The following ROR1 variants were observed in gnomAD, a reference collection of about 807,000 sequenced individuals.
The protein encoded by ROR1 is ROR family WNT receptor 1, also known as inactive tyrosine-protein kinase transmembrane receptor ROR1.
In ROR1, 19 loss-of-function variants were observed where a neutral mutation model predicts 78.8. The observed-to-expected ratio is 0.24, with a 90% confidence interval of 0.17 to 0.35. ROR1 has a LOEUF of 0.35. Among genes scored for constraint, ROR1 ranks in the 10% least tolerant of loss-of-function variants. ROR1 has a pLI of 1.00. For synonymous variants in ROR1, 386 were observed against 433.6 expected (o/e 0.89, Z 1.36); for missense variants, 917 against 1,177.8 (o/e 0.78, Z 3.24).
chr1:63,939,228 G>A (rs1330443987), intron 1 of ROR1, among the ~76,000 whole-genome samples: 1 of 152,036 alleles, frequency 6.6e-6, no homozygotes, highest in Non-Finnish European at 1.5e-5. Context: ...CTGCACATTA[G>A]AATTGTGTAG....
At chr1:64,084,124 C>A (rs1647130243) in intron 4 of ROR1, among the ~76,000 whole-genome samples, 1 of 152,166 alleles carries the variant, frequency 6.6e-6, no homozygotes, top group South Asian at 2.1e-4. Flanking sequence ...TATCAACAAT[C>A]ATAGAAAAGG....
chr1:64,038,080 GT>G (rs1158577862), intron 2 of ROR1, among the ~76,000 whole-genome samples: 1 of 152,108 alleles, frequency 6.6e-6, no homozygotes, highest in Non-Finnish European at 1.5e-5. Flanking sequence ...TTGTATCACT[GT>G]TTTGCGAGGC....
chr1:63,904,716 G>C (rs914004011), intron 1 of ROR1, among the ~76,000 whole-genome samples: 1 of 152,120 alleles, frequency 6.6e-6, no homozygotes, highest in African/African-American at 2.4e-5. Flanking sequence ...CTTATAAGAC[G>C]AGGAGATTAG....
intron 5 of ROR1, among the ~76,000 whole-genome samples, 171 bp from the exon 6 acceptor site, chr1:64,139,938 A>G (rs1649245459): frequency 6.6e-6 from 1 of 152,034 alleles, no homozygotes; most frequent in Non-Finnish European, 1.5e-5. Context: ...TTTTCAAGCC[A>G]GTGAAAGTAA....
intron 1 of ROR1, among the ~76,000 whole-genome samples, chr1:63,883,590 A>G (rs986709205): frequency 1.3e-5 from 2 of 152,182 alleles, no homozygotes; most frequent in African/African-American, 4.8e-5. Flanking sequence ...CTGTGTTATG[A>G]CTGGGTGAAA....
rs540448964 is a variant in ROR1 at position 64,177,404 on chromosome 1, A to G, written c.1387-24A>G. 2.8e-5 allele frequency: 44 copies of G among 1,566,186 alleles called. No individual in the cohort carries two copies. The African/African-American group carries it at 5.7e-4, about 20-fold the overall frequency. On this transcript the variant is annotated intron_variant, in intron 8 of 8. Coordinates refer to ENST00000371079, the MANE Select transcript of ROR1 (RefSeq NM_005012.4). ...CTTGCCTGAAGATATGTTTTAAACC[A>G]CGTTTTTCCTCTCTTTCATACAGAG...
chr1:63,919,110 C>G (rs1283506326), intron 1 of ROR1, among the ~76,000 whole-genome samples: 1 of 152,036 alleles, frequency 6.6e-6, no homozygotes, highest in Non-Finnish European at 1.5e-5. Flanking sequence ...AATGATGGTT[C>G]AATGCACAGG....
chr1:64,023,184 G>A (rs1260836), intron 2 of ROR1, among the ~76,000 whole-genome samples: 35,866 of 152,076 alleles, frequency 0.24, 4,346 homozygotes, highest in South Asian at 0.36. Context: ...TGCCCTTGCA[G>A]TGGTGCTGAG....
chr1:63,783,983 TC>T (rs1241371655), intron 1 of ROR1, among the ~76,000 whole-genome samples: 1 of 151,768 alleles, frequency 6.6e-6, no homozygotes, highest in Non-Finnish European at 1.5e-5. Context: ...AACCTGCATA[TC>T]CTAAGGCCTG....
chr1:63,964,498 T>C (rs1359908266), intron 1 of ROR1, among the ~76,000 whole-genome samples: 2 of 152,366 alleles, frequency 1.3e-5, no homozygotes, highest in African/African-American at 4.8e-5. Flanking sequence ...CAAATCTTAT[T>C]GTATGTCTAG....
At chr1:63,866,104 C>T (rs1003108809) in intron 1 of ROR1, among the ~76,000 whole-genome samples, 8 of 152,030 alleles carry the variant, frequency 5.3e-5, no homozygotes, top group African/African-American at 1.9e-4. Context: ...CAAGAACTGC[C>T]ACATGTCACC....
chr1:64,123,542 A>G lies in ROR1; in HGVS notation c.483-13827A>G, dbSNP rs116011428. 3.4e-4 allele frequency among the ~76,000 whole-genome samples: 52 copies of G among 152,348 alleles called. No homozygotes were observed. The Middle Eastern group carries it at 0.01, about 30-fold the overall frequency. ...TAAAACCTCAGTGTTTTCATCTAAT[A>G]AAGAATACTAATATAAACATAGAAT... is the stretch of plus-strand genomic sequence containing the variant. On this transcript the variant is annotated intron_variant, in intron 4 of 8. Coordinates refer to ENST00000371079, the MANE Select transcript of ROR1 (RefSeq NM_005012.4).
intron 1 of ROR1, among the ~76,000 whole-genome samples, chr1:63,887,634 A>G (rs1204862221): frequency 6.6e-6 from 1 of 152,162 alleles, no homozygotes; most frequent in Non-Finnish European, 1.5e-5. Context: ...ACACAGGGTA[A>G]TTTTAAAAAG....
intron 1 of ROR1, among the ~76,000 whole-genome samples, chr1:63,942,108 T>G (rs982773712): frequency 6.6e-6 from 1 of 152,214 alleles, no homozygotes; most frequent in Non-Finnish European, 1.5e-5. Context: ...TGGCACGGTC[T>G]GGTGCAGACC....
Position 64,062,789 on chromosome 1 carries a change from A to G in ROR1, c.482+12073A>G, listed in dbSNP as rs530506929. Among the ~76,000 whole-genome samples the G allele has an allele frequency of 2.6e-5, 4 of 152,318 alleles. No homozygotes were observed. The East Asian group carries it at 5.8e-4, about 22-fold the overall frequency. On this transcript the variant is annotated intron_variant, in intron 4 of 8. Transcript: ENST00000371079. The stretch of plus-strand genomic sequence containing the variant: ...AGGGAAACAACTGAACCTCACAACA[A>G]ACATAGCTAATGAAATGTTATGAAT...
chr1:63,886,088 A>T (rs1357763104), intron 1 of ROR1, among the ~76,000 whole-genome samples: 2 of 152,130 alleles, frequency 1.3e-5, no homozygotes, highest in Admixed American at 1.3e-4. Context: ...TGCAACCTAG[A>T]TCCCTCGCAT....
intron 8 of ROR1, among the ~76,000 whole-genome samples, chr1:64,175,689 C>T (rs1557684949): frequency 6.6e-6 from 1 of 152,180 alleles, no homozygotes; most frequent in Non-Finnish European, 1.5e-5. Flanking sequence ...TCCCCAATCC[C>T]AATTTGTCCT....
At chr1:64,078,150 C>T (rs553879385) in intron 4 of ROR1, among the ~76,000 whole-genome samples, 1 of 152,202 alleles carries the variant, frequency 6.6e-6, no homozygotes, top group Non-Finnish European at 1.5e-5. Flanking sequence ...CTGTGCTAAG[C>T]ACTTAGTGTG....
At chr1:64,152,453 A>G (rs1416339363) in intron 7 of ROR1, among the ~76,000 whole-genome samples, 1 of 152,166 alleles carries the variant, frequency 6.6e-6, no homozygotes, top group African/African-American at 2.4e-5. Flanking sequence ...GAATACTACT[A>G]TGTTGCTATA....
Sources: allele counts gnomAD v4.1 joint callset (sites outside exome capture counted in the v4.1 genomes callset), GRCh38; gene constraint gnomAD v4.1.1; transcripts MANE v1.5; gene names NCBI Gene and HGNC (gene_info 2026-07-23, HGNC 2026-07-21).